The following GPBP1L1 variants were observed in gnomAD, a reference collection of about 807,000 sequenced individuals.
GPBP1L1 encodes the protein vasculin-like protein 1.
GPBP1L1 carries 23 observed loss-of-function variants against 52.5 expected under a neutral mutation model. The observed-to-expected ratio is 0.44, with a 90% confidence interval of 0.32 to 0.62. The LOEUF (loss-of-function observed/expected upper bound fraction) is 0.62, where lower values mean the gene tolerates loss of function less well. GPBP1L1 is among the 20% of genes least tolerant of loss of function. GPBP1L1 has a pLI of 0.06. For synonymous variants in GPBP1L1, 243 were observed against 203.1 expected, an observed-to-expected ratio of 1.20 and a Z score of -1.67; for missense variants, 596 against 579.3, an observed-to-expected ratio of 1.03 and a Z score of -0.30.
chr1:45,645,443 T>C (rs116724600), intron 6 of GPBP1L1, among the ~76,000 whole-genome samples: 1,609 of 152,332 alleles, frequency 0.011, 30 homozygotes, highest in African/African-American at 0.037. Flanking sequence ...TAGAATATCA[T>C]ATTTAATTGC....
intron 1 of GPBP1L1, among the ~76,000 whole-genome samples, chr1:45,685,956 C>T (rs1645276274): frequency 6.6e-6 from 1 of 152,100 alleles, no homozygotes; most frequent in South Asian, 2.1e-4. Flanking sequence ...AACTTTTTTC[C>T]CCTCAGATAT....
intron 3 of GPBP1L1, among the ~76,000 whole-genome samples, chr1:45,659,382 G>C (rs1644920604): frequency 6.6e-6 from 1 of 152,154 alleles, no homozygotes; most frequent in South Asian, 2.1e-4. Context: ...ATTTTTTGGA[G>C]AGGAAGGGTC....
At chr1:45,675,386 G>A (rs917101005) in intron 2 of GPBP1L1, among the ~76,000 whole-genome samples, 1 of 152,110 alleles carries the variant, frequency 6.6e-6, no homozygotes, top group African/African-American at 2.4e-5. Context: ...ACCTTTTTAT[G>A]TATTTATCTC....
intron 5 of GPBP1L1, 51 bp downstream of exon 5, chr1:45,655,139 T>G: frequency 1.2e-6 from 2 of 1,609,844 alleles, no homozygotes; most frequent in Non-Finnish European, 1.7e-6. Context: ...AGCCTGGGCT[T>G]GTCCTAAATG....
At position 45,654,820 on chromosome 1, in the gene GPBP1L1, T is replaced by C. The variant is rs759108422; in HGVS notation, c.200A>G (p.His67Arg). The C allele has an allele frequency of 1.2e-6, 2 of 1,613,858 alleles. No homozygotes were observed. The highest frequency in any genetic ancestry group is 1.7e-6 in the Non-Finnish European group (2 of 1,179,892). Residue 67 changes from histidine (H) to arginine (R), a missense_variant, in exon 6 of 13, where the codon CAC becomes CGC. His to Arg is a conservative substitution (Grantham distance 29). Transcript: ENST00000355105. ...ATCATGGCGGAACAGGGAGGGCTGGTGCCAAGAATCTAGAATAGTAAAGAA... is the reference window on the plus strand; with the variant it reads ...ATCATGGCGGAACAGGGAGGGCTGGCGCCAAGAATCTAGAATAGTAAAGAA... ...GPLRTAGDSW[H>R]QPSLFRHDSV...
intron 2 of GPBP1L1, among the ~76,000 whole-genome samples, chr1:45,668,518 A>G (rs1250480517): frequency 6.6e-6 from 1 of 152,038 alleles, no homozygotes; most frequent in African/African-American, 2.4e-5. Context: ...GCCGGGCATG[A>G]TGGCACACAC....
chr1:45,628,654 T>C (rs756461841), intron 12 of GPBP1L1, among the ~76,000 whole-genome samples: 12 of 152,080 alleles, frequency 7.9e-5, no homozygotes, highest in Non-Finnish European at 1.8e-4. Flanking sequence ...TTGAAAGTCC[T>C]TATTTCTTTT....
intron 6 of GPBP1L1, among the ~76,000 whole-genome samples, chr1:45,642,990 TCA>T (rs1351826534): frequency 1.2e-4 from 18 of 152,110 alleles, no homozygotes; most frequent in Non-Finnish European, 8.8e-5. Context: ...TTCACACGGG[TCA>T]CAGTTTTGCT....
rs751013042 is a variant in GPBP1L1, at chr1:45,630,537, G to T, written c.1114C>A (p.Leu372Ile). The T allele has an allele frequency of 6.2e-7, 1 of 1,613,946 alleles. No homozygotes were observed. The highest frequency in any genetic ancestry group is 8.5e-7 in the Non-Finnish European group (1 of 1,179,840). Residue 372 changes from leucine to isoleucine, a missense_variant, in exon 11 of 13, where the codon CTC becomes ATC. Leu to Ile is a conservative substitution (Grantham distance 5). Transcript: ENST00000355105. ...ACCTCCCCTTCTTCCACTACAGGGA[G>T]GGCAAGACCATTTTGATGACAGCCT... ...EEGCHQNGLALPVVEEGEVLS... is the reference protein window; with the variant it reads ...EEGCHQNGLAIPVVEEGEVLS...
In GPBP1L1 at chr1:45,663,102, C is replaced by T. The variant is rs190488354; in HGVS notation, c.-1097-1877G>A. On this transcript the variant is annotated intron_variant, in intron 2 of 12. Coordinates refer to ENST00000355105, the MANE Select transcript of GPBP1L1 (RefSeq NM_021639.5). ...AAAATTGTTTTTATATAAGCCTACA[C>T]CTGTAACTCTCAGTAATAGATAAAT... Among the ~76,000 whole-genome samples the T allele has an allele frequency of 1.9e-3, 281 of 149,036 alleles. 2 individuals carry two copies. The highest frequency in any genetic ancestry group is 5.4e-3 in the Admixed American group (80 of 14,912).
chr1:45,687,906 TG>T (rs1417478272), upstream of GPBP1L1: 2 of 152,308 alleles, frequency 1.3e-5, no homozygotes, highest in Non-Finnish European at 2.9e-5. Context: ...CAGGTCACAC[TG>T]GGCCTAAAAT....
intron 8 of GPBP1L1, 143 bp from the exon 9 acceptor site, chr1:45,634,379 G>A: frequency 3.9e-6 from 3 of 768,566 alleles, no homozygotes; most frequent in Admixed American, 3.1e-5. Context: ...TGGGAAGTAT[G>A]CAACCTCTTT....
chr1:45,656,282 G>T (rs932186300), intron 4 of GPBP1L1: 4 of 152,074 alleles, frequency 2.6e-5, no homozygotes, highest in Non-Finnish European at 5.9e-5. Flanking sequence ...CTATTTCAAA[G>T]AATTTTATTC....
chr1:45,676,994 A>C (rs1353715055), intron 2 of GPBP1L1, among the ~76,000 whole-genome samples: 1 of 152,018 alleles, frequency 6.6e-6, no homozygotes, highest in Non-Finnish European at 1.5e-5. Flanking sequence ...GTTTGCCATC[A>C]ACCTGAGCCA....
chr1:45,660,580 T>C lies in GPBP1L1; in HGVS notation c.-452A>G. On this transcript the variant is annotated 5_prime_UTR_variant, in exon 3 of 13. An upstream start codon of the reference 5' UTR is lost. Transcript: ENST00000355105. The stretch of plus-strand genomic sequence containing the variant: ...TTGCACCGAGTGCAAATACTGTTCA[T>C]AACAAGGTCATAGCTAGAAAGACAG... The C allele has an allele frequency of 1.0e-6, 1 of 984,492 alleles. No homozygotes were observed. Among genetic ancestry groups the C allele is most frequent in the Non-Finnish European group, 1.2e-6 (1 of 829,120 alleles). 61.0% of individuals were successfully genotyped at this position (984,492 alleles called of 1,614,324 possible).
chr1:45,645,306 A>G (rs1331022300), intron 6 of GPBP1L1, among the ~76,000 whole-genome samples: 1 of 152,208 alleles, frequency 6.6e-6, no homozygotes, highest in Non-Finnish European at 1.5e-5. Flanking sequence ...CTCCAAAGCT[A>G]AAACACCTCA....
In GPBP1L1 at chr1:45,654,713, G is replaced by A; in HGVS notation, c.307C>T (p.His103Tyr). The A allele has an allele frequency of 6.2e-7, 1 of 1,614,170 alleles. No homozygotes were observed. The highest frequency in any genetic ancestry group is 8.5e-7 in the Non-Finnish European group (1 of 1,180,032). Residue 103 changes from histidine to tyrosine, a missense_variant, in exon 6 of 13, where the codon CAT (histidine) becomes TAT (tyrosine). Transcript: ENST00000355105. ...PSGWHSSSRG[H>Y]DGMSQRSGGG... ...CCACTACGTTGGCTCATGCCATCAT[G>A]ACCTCGGGAAGAGCTATGCCAACCA...
chr1:45,673,817 C>T (rs1345672596), intron 2 of GPBP1L1, among the ~76,000 whole-genome samples: 3 of 152,170 alleles, frequency 2.0e-5, no homozygotes, highest in Non-Finnish European at 2.9e-5. Flanking sequence ...CAAGATCACG[C>T]CACTGCACTC....
At chr1:45,663,977 T>C (rs145774323) in intron 2 of GPBP1L1, among the ~76,000 whole-genome samples, 28 of 151,076 alleles carry the variant, frequency 1.9e-4, no homozygotes, top group African/African-American at 5.3e-4. Context: ...TCTGAGACAA[T>C]AGAGCAGGGT....
Sources: gnomAD v4.1 joint callset for allele counts (sites outside exome capture counted in the v4.1 genomes callset) on GRCh38, gnomAD v4.1.1 for gene constraint, MANE v1.5 for transcripts, NCBI Gene and HGNC (gene_info 2026-07-23, HGNC 2026-07-21) for gene names.